AUTS2: variants seen among roughly 807,000 people sequenced by gnomAD.
AUTS2 encodes the protein autism susceptibility gene 2 protein.
Under a neutral mutation model 112.4 loss-of-function variants are expected in AUTS2, and 17 were observed. That is an observed-to-expected ratio of 0.15 (90% CI 0.10 to 0.23). The LOEUF is 0.23. Ranked by LOEUF, AUTS2 falls within the 10% of genes least tolerant of loss-of-function variation. The pLI is 1.00. For synonymous variants in AUTS2, 751 were observed against 702.7 expected, an observed-to-expected ratio of 1.07 and a Z score of -1.09; for missense variants, 1,510 against 1,701.6, an observed-to-expected ratio of 0.89 and a Z score of 1.98.
At chr7:70,357,368 G>A (rs1037748781) in intron 4 of AUTS2, among the ~76,000 whole-genome samples, 4 of 152,056 alleles carry the variant, frequency 2.6e-5, no homozygotes, top group Non-Finnish European at 5.9e-5. Flanking sequence ...AGTATGGCTT[G>A]TGTTCTGACC....
intron 1 of AUTS2, among the ~76,000 whole-genome samples, chr7:69,865,696 G>A (rs541700692): frequency 1.3e-5 from 2 of 152,156 alleles, no homozygotes; most frequent in East Asian, 3.9e-4. Flanking sequence ...TTTAACCCCT[G>A]TGTGTACTGC....
chr7:70,061,807 G>A (rs1397323851), intron 2 of AUTS2, among the ~76,000 whole-genome samples: 7 of 150,894 alleles, frequency 4.6e-5, no homozygotes, highest in African/African-American at 1.7e-4. Context: ...CTCCCCCGGA[G>A]ACGGAGTTTC....
chr7:70,011,970 T>G (rs1402073025), intron 2 of AUTS2, among the ~76,000 whole-genome samples: 2 of 151,982 alleles, frequency 1.3e-5, no homozygotes, highest in Non-Finnish European at 2.9e-5. Flanking sequence ...ACCATTGAGT[T>G]TTTTCACTGT....
intron 4 of AUTS2, among the ~76,000 whole-genome samples, chr7:70,325,035 A>C (rs769554589): frequency 6.6e-6 from 1 of 152,152 alleles, no homozygotes; most frequent in African/African-American, 2.4e-5. Context: ...CCAGGGTCCA[A>C]TTGTCCCTTC....
At chr7:70,280,094 T>C (rs1038134928) in intron 4 of AUTS2, among the ~76,000 whole-genome samples, 2 of 152,076 alleles carry the variant, frequency 1.3e-5, no homozygotes, top group Non-Finnish European at 2.9e-5. Context: ...AATTAAATGA[T>C]GTAGTATGTA....
At chr7:69,708,853 G>A (rs1435587242) in intron 1 of AUTS2, among the ~76,000 whole-genome samples, 2 of 152,296 alleles carry the variant, frequency 1.3e-5, no homozygotes, top group East Asian at 3.9e-4. Context: ...GATTATCTCT[G>A]ATACACAACC....
At chr7:70,666,422 G>A (rs1807352084) in intron 5 of AUTS2, among the ~76,000 whole-genome samples, 1 of 152,178 alleles carries the variant, frequency 6.6e-6, no homozygotes. Flanking sequence ...CTGGAAGGGA[G>A]ACTTAGATTA....
chr7:70,627,926 T>C (rs936388372), intron 5 of AUTS2, among the ~76,000 whole-genome samples: 1 of 152,154 alleles, frequency 6.6e-6, no homozygotes, highest in Non-Finnish European at 1.5e-5. Flanking sequence ...CAAAAGAGAC[T>C]TTCTGAAGGT....
chr7:70,464,533 G>T (rs1004488820), intron 5 of AUTS2, among the ~76,000 whole-genome samples: 1 of 152,164 alleles, frequency 6.6e-6, no homozygotes, highest in African/African-American at 2.4e-5. Flanking sequence ...AGAACATTTA[G>T]GTAACTTGCC....
intron 1 of AUTS2, among the ~76,000 whole-genome samples, chr7:69,625,831 C>T (rs1018958507): frequency 1.4e-4 from 22 of 152,004 alleles, no homozygotes; most frequent in African/African-American, 5.3e-4. Context: ...TACTCCAACC[C>T]GGGTGCCAGA....
intron 5 of AUTS2, among the ~76,000 whole-genome samples, chr7:70,660,637 C>T (rs1444397138): frequency 6.6e-6 from 1 of 152,222 alleles, no homozygotes; most frequent in African/African-American, 2.4e-5. Context: ...CGTGGCAGAG[C>T]ATTTCCCGTG....
At chr7:70,026,382 A>G (rs939757012) in intron 2 of AUTS2, among the ~76,000 whole-genome samples, 1 of 152,190 alleles carries the variant, frequency 6.6e-6, no homozygotes, top group Non-Finnish European at 1.5e-5. Flanking sequence ...AGGTGAGAGC[A>G]GGCTGTGAGT....
chr7:70,466,916 G>C (rs1443279630), intron 5 of AUTS2, among the ~76,000 whole-genome samples: 1 of 152,216 alleles, frequency 6.6e-6, no homozygotes, highest in Non-Finnish European at 1.5e-5. Context: ...AGGAGAGACT[G>C]TTACCCAGGT....
intron 2 of AUTS2, among the ~76,000 whole-genome samples, chr7:70,029,998 C>T (rs1255129848): frequency 6.6e-6 from 1 of 152,168 alleles, no homozygotes; most frequent in Non-Finnish European, 1.5e-5. Context: ...AAGATACACA[C>T]CTGCATGTCT....
chr7:70,228,562 G>T (rs1811889739), intron 4 of AUTS2, among the ~76,000 whole-genome samples: 1 of 151,196 alleles, frequency 6.6e-6, no homozygotes, highest in Non-Finnish European at 1.5e-5. Context: ...GTTCATTTTT[G>T]CTCTATGAAA....
At chr7:70,000,736 C>A (rs553534187) in intron 2 of AUTS2, among the ~76,000 whole-genome samples, 25 of 152,252 alleles carry the variant, frequency 1.6e-4, no homozygotes, top group African/African-American at 6.0e-4. Flanking sequence ...AAGAGAGTCC[C>A]ATCTGCCCCA....
chr7:70,077,078 G>C (rs919581887), intron 2 of AUTS2, among the ~76,000 whole-genome samples: 24 of 152,198 alleles, frequency 1.6e-4, no homozygotes, highest in African/African-American at 5.5e-4. Flanking sequence ...GGGGAGAGCA[G>C]TGGGTAGAAG....
intron 4 of AUTS2, among the ~76,000 whole-genome samples, chr7:70,149,784 G>T (rs1807328832): frequency 6.6e-6 from 1 of 151,966 alleles, no homozygotes; most frequent in Non-Finnish European, 1.5e-5. Context: ...TCAGTCTGAG[G>T]TTTCAAATTA....
At chr7:70,432,482 A>G (rs1417782660) in intron 4 of AUTS2, among the ~76,000 whole-genome samples, 2 of 152,110 alleles carry the variant, frequency 1.3e-5, no homozygotes, top group Non-Finnish European at 2.9e-5. Context: ...ACCCACACTG[A>G]CTCTATAAAA....
Sources: gnomAD v4.1 joint callset for allele counts (sites outside exome capture counted in the v4.1 genomes callset) on GRCh38, gnomAD v4.1.1 for gene constraint, MANE v1.5 for transcripts, NCBI Gene and HGNC (gene_info 2026-07-23, HGNC 2026-07-21) for gene names.